The following FAM227B variants were observed in gnomAD, a reference collection of about 807,000 sequenced individuals.
FAM227B encodes the protein family with sequence similarity 227 member B, also known as protein FAM227B.
A neutral mutation model predicts 73.8 loss-of-function variants in FAM227B; 88 were observed. That is an observed-to-expected ratio of 1.19 (90% CI 1.00 to 1.42). The LOEUF is 1.42. FAM227B is among the 40% of genes most tolerant of loss of function. The pLI is 0.00. For missense variants in FAM227B, 632 were observed against 590.9 expected, an observed-to-expected ratio of 1.07 and a Z score of -0.72; for synonymous variants, 210 against 190.5, an observed-to-expected ratio of 1.10 and a Z score of -0.84.
At chr15:49,396,752 G>T (rs989421537) in intron 11 of FAM227B, among the ~76,000 whole-genome samples, 2 of 146,464 alleles carry the variant, frequency 1.4e-5, no homozygotes, top group East Asian at 2.0e-4. Flanking sequence ...CACCTCACAC[G>T]GCAGGGTACT....
chr15:49,572,265 A>G (rs772080156), intron 8 of FAM227B, among the ~76,000 whole-genome samples: 10 of 152,174 alleles, frequency 6.6e-5, no homozygotes, highest in Admixed American at 2.0e-4. Context: ...TTTTCTGTAT[A>G]TAAGATGTTG....
intron 11 of FAM227B, among the ~76,000 whole-genome samples, chr15:49,451,006 G>A (rs752935341): frequency 3.5e-4 from 53 of 152,188 alleles, no homozygotes; most frequent in Non-Finnish European, 6.3e-4. Context: ...GTATGTGTGT[G>A]AGTGGGGAAA....
chr15:49,587,139 A>G (rs1230783532), intron 5 of FAM227B, among the ~76,000 whole-genome samples: 1 of 152,194 alleles, frequency 6.6e-6, no homozygotes, highest in Non-Finnish European at 1.5e-5. Context: ...ACCACGGAAT[A>G]CTATGCAGCC....
Position 49,342,009 on chromosome 15 carries a change from G to A in FAM227B, c.1272-6513C>T, listed in dbSNP as rs904297825. 2.6e-5 allele frequency among the ~76,000 whole-genome samples: 4 copies of A among 152,258 alleles called. No homozygotes were observed. In the South Asian group the frequency reaches 8.3e-4, roughly 32 times the overall value. Reference sequence around the variant, plus strand: ...AGATGATAGCAATGTATTTTCTGTGGTTGATGGGTGAAGTATTTTGTAGGT... The same window carrying A: ...AGATGATAGCAATGTATTTTCTGTGATTGATGGGTGAAGTATTTTGTAGGT... On this transcript the variant is annotated intron_variant, in intron 13 of 15. Transcript: ENST00000299338.
At chr15:49,537,004 T>C (rs1266138460) in intron 10 of FAM227B, among the ~76,000 whole-genome samples, 1 of 152,062 alleles carries the variant, frequency 6.6e-6, no homozygotes, top group Non-Finnish European at 1.5e-5. Context: ...GACACTGACA[T>C]ATGTGATGAA....
At chr15:49,537,002 CAT>C (rs771218253) in intron 10 of FAM227B, among the ~76,000 whole-genome samples, 1 of 152,036 alleles carries the variant, frequency 6.6e-6, no homozygotes, top group Non-Finnish European at 1.5e-5. Flanking sequence ...TTGACACTGA[CAT>C]ATGTGATGAA....
intron 10 of FAM227B, among the ~76,000 whole-genome samples, chr15:49,510,432 T>C (rs1294145115): frequency 2.6e-5 from 4 of 152,176 alleles, no homozygotes; most frequent in African/African-American, 7.2e-5. Flanking sequence ...TGTTTTCTTA[T>C]GTTCTATGTA....
Position 49,327,845 on chromosome 15 carries a change from T to G in FAM227B, c.*723A>C. 1 of 1,009,722 alleles carries G rather than the reference T, an allele frequency of 9.9e-7. No homozygotes were observed. Among genetic ancestry groups the G allele is most frequent in the Non-Finnish European group, 1.4e-6 (1 of 696,304 alleles). 62.5% of individuals were successfully genotyped at this position (1,009,722 alleles called of 1,614,324 possible). A position where few individuals can be genotyped will look rare whatever the true frequency, so the allele number is the denominator to read the frequency against. On this transcript the variant is annotated 3_prime_UTR_variant, in exon 16 of 16. Transcript: ENST00000299338. ...TTTGATGACACCTAAAAACCCCGCA[T>G]GTATTTTCTTCTTAGAACTTAGATA...
At chr15:49,456,081 G>T in intron 11 of FAM227B, among the ~76,000 whole-genome samples, 1 of 152,038 alleles carries the variant, frequency 6.6e-6, no homozygotes, top group South Asian at 2.1e-4. Context: ...TAACTTATAA[G>T]ACATTCTAAA....
chr15:49,602,996 A>G (rs1399312435), intron 3 of FAM227B, among the ~76,000 whole-genome samples: 2 of 152,018 alleles, frequency 1.3e-5, no homozygotes, highest in East Asian at 3.9e-4. Flanking sequence ...ATTTTGTTCC[A>G]TGGGTGTATA....
intron 1 of FAM227B, among the ~76,000 whole-genome samples, chr15:49,615,904 A>G (rs1426446603): frequency 6.6e-6 from 1 of 152,214 alleles, no homozygotes; most frequent in East Asian, 1.9e-4. Flanking sequence ...TCTATCTTAT[A>G]ATGTGAAGAT....
chr15:49,352,042 C>G (rs560970699), intron 13 of FAM227B, among the ~76,000 whole-genome samples: 4 of 152,284 alleles, frequency 2.6e-5, no homozygotes, highest in African/African-American at 9.6e-5. Flanking sequence ...TTGACTGGGA[C>G]TGGAGCCATC....
intron 11 of FAM227B, chr15:49,484,302 T>C (rs2056215826): frequency 2.5e-6 from 4 of 1,581,702 alleles, no homozygotes; most frequent in Non-Finnish European, 3.4e-6. Context: ...GTTTGTTTGT[T>C]TTAACAGAAA....
intron 3 of FAM227B, among the ~76,000 whole-genome samples, chr15:49,609,941 C>G (rs1034042861): frequency 3.3e-5 from 5 of 151,720 alleles, no homozygotes; most frequent in Non-Finnish European, 7.4e-5. Context: ...ATAAATATAG[C>G]CTTTGAATAC....
At chr15:49,365,731 T>C (rs1216785020) in intron 13 of FAM227B, 7 of 881,870 alleles carry the variant, frequency 7.9e-6, no homozygotes, top group East Asian at 2.4e-5. Context: ...CTCCAAGATA[T>C]CTTGTAAAAT....
chr15:49,520,775 A>C (rs142993600), intron 10 of FAM227B, among the ~76,000 whole-genome samples: 4,313 of 152,184 alleles, frequency 0.028, 96 homozygotes, highest in Middle Eastern at 0.051. Context: ...GACACATGGA[A>C]GCTACAGTTC....
intron 11 of FAM227B, among the ~76,000 whole-genome samples, chr15:49,491,614 T>C (rs2152059232): frequency 6.6e-6 from 1 of 152,006 alleles, no homozygotes; most frequent in South Asian, 2.1e-4. Flanking sequence ...AGCTCAAGTT[T>C]AATGAGCTAT....
At chr15:49,505,830 C>T (rs1220654342) in intron 11 of FAM227B, among the ~76,000 whole-genome samples, 1 of 151,668 alleles carries the variant, frequency 6.6e-6, no homozygotes, top group Non-Finnish European at 1.5e-5. Flanking sequence ...AGTAACACTT[C>T]AAATTAAAGT....
At chr15:49,367,865 A>AC in intron 12 of FAM227B, 1 of 109,664 alleles carries the variant, frequency 9.1e-6, no homozygotes. Flanking sequence ...TCTTAAGAAC[A>AC]GAAAAAAAAA....
Sources: allele counts gnomAD v4.1 joint callset (sites outside exome capture counted in the v4.1 genomes callset), GRCh38; gene constraint gnomAD v4.1.1; transcripts MANE v1.5; gene names NCBI Gene and HGNC (gene_info 2026-07-23, HGNC 2026-07-21).